NTNG1: variants seen among roughly 807,000 people sequenced by gnomAD.
NTNG1 encodes the protein netrin-G1.
In NTNG1, 16 loss-of-function variants were observed where a neutral mutation model predicts 54.0. The observed-to-expected ratio is 0.30, with a 90% CI of 0.20 to 0.45. The LOEUF (loss-of-function observed/expected upper bound fraction) is 0.45, where lower values mean the gene tolerates loss of function less well. Among genes scored for constraint, NTNG1 ranks in the 20% least tolerant of loss-of-function variants. The probability of loss-of-function intolerance (pLI) is 1.00; values close to 1 mark genes in which losing one functional copy is unlikely to be tolerated. For missense variants in NTNG1, 530 were observed against 678.7 expected, an observed-to-expected ratio of 0.78 and a Z score of 2.43; for synonymous variants, 255 against 263.1, an observed-to-expected ratio of 0.97 and a Z score of 0.30.
chr1:107,282,252 T>C (rs546009191), intron 2 of NTNG1, among the ~76,000 whole-genome samples: 2 of 152,280 alleles, frequency 1.3e-5, no homozygotes, highest in South Asian at 4.1e-4. Flanking sequence ...TATCCAAAAC[T>C]GTTTCAGACC....
intron 2 of NTNG1, among the ~76,000 whole-genome samples, chr1:107,156,678 G>A (rs1655023454): frequency 6.6e-6 from 1 of 152,182 alleles, no homozygotes; most frequent in Non-Finnish European, 1.5e-5. Context: ...TCATTGTATT[G>A]TATTTAATTG....
intron 3 of NTNG1, among the ~76,000 whole-genome samples, chr1:107,383,481 G>C (rs1292710663): frequency 1.3e-5 from 2 of 151,984 alleles, no homozygotes; most frequent in Non-Finnish European, 2.9e-5. Context: ...TCTATAAAGA[G>C]AAAAAAAGAA....
chr1:107,222,751 C>A (rs1197764000), intron 2 of NTNG1, among the ~76,000 whole-genome samples: 3 of 149,474 alleles, frequency 2.0e-5, no homozygotes, highest in Non-Finnish European at 4.4e-5. Flanking sequence ...AGGTAGTGGG[C>A]AGTCTTTAAC....
At chr1:107,214,253 C>A (rs1301727637) in intron 2 of NTNG1, among the ~76,000 whole-genome samples, 3 of 152,212 alleles carry the variant, frequency 2.0e-5, no homozygotes, top group African/African-American at 7.2e-5. Context: ...AATGTGTAAT[C>A]TTTTATCCCT....
At chr1:107,293,654 T>G (rs1343439897) in intron 2 of NTNG1, among the ~76,000 whole-genome samples, 1 of 152,198 alleles carries the variant, frequency 6.6e-6, no homozygotes, top group Non-Finnish European at 1.5e-5. Context: ...TTTCTTAATA[T>G]ATAAAGTGGG....
chr1:107,480,851 C>T lies in NTNG1; in HGVS notation c.*11C>T. 2 of 1,546,780 alleles carry T rather than the reference C, an allele frequency of 1.3e-6. No homozygotes were observed. The highest frequency in any genetic ancestry group is 1.7e-6 in the Non-Finnish European group (2 of 1,143,196). On this transcript the variant is annotated 3_prime_UTR_variant, in exon 8 of 8. Transcript: ENST00000370068. ...CCCCTGGTGTTCTAGGTGTCACCTC[C>T]AGCCACACCGGACGGGCCTGTGCCG...
intron 2 of NTNG1, among the ~76,000 whole-genome samples, chr1:107,243,455 T>C (rs760414986): frequency 6.6e-6 from 1 of 152,356 alleles, no homozygotes; most frequent in East Asian, 1.9e-4. Flanking sequence ...CCACCACTGT[T>C]AAATGCCTTG....
rs148523506 is a variant in NTNG1, at chr1:107,461,563, G to C, written c.1391-19048G>C. On this transcript the variant is annotated intron_variant, in intron 7 of 7. Transcript: ENST00000370068. ...TTTTCTTTTTTTTTTCTTTTGAGAC[G>C]GAGTCTTGCTCTGTCTCCAGGCTGG... Among the ~76,000 whole-genome samples the C allele has an allele frequency of 2.7e-5, 4 of 149,432 alleles. No homozygotes were observed. The East Asian group carries it at 7.8e-4, about 29-fold the overall frequency.
At chr1:107,214,034 ATT>A (rs1256948870) in intron 2 of NTNG1, among the ~76,000 whole-genome samples, 1 of 152,080 alleles carries the variant, frequency 6.6e-6, no homozygotes, top group African/African-American at 2.4e-5. Flanking sequence ...TCACTCTCCC[ATT>A]GATAGTTTTA....
At position 107,376,301 on chromosome 1, in the gene NTNG1, G is replaced by A. The variant is rs564488510; in HGVS notation, c.888-18853G>A. Among the ~76,000 whole-genome samples the A allele has an allele frequency of 4.6e-5, 7 of 152,156 alleles. No homozygotes were observed. In the South Asian group the frequency reaches 1.5e-3, roughly 32 times the overall value. The stretch of plus-strand genomic sequence containing the variant: ...CGGGCGCCTGTAGTCCCAGCTACTC[G>A]GGAGGCTGAGGCATGGGAATGGCGT... On this transcript the variant is annotated intron_variant, in intron 3 of 7. Coordinates refer to ENST00000370068, the MANE Select transcript of NTNG1 (RefSeq NM_001113226.3).
At chr1:107,142,531 A>G (rs529342477) in intron 1 of NTNG1, among the ~76,000 whole-genome samples, 8 of 152,098 alleles carry the variant, frequency 5.3e-5, no homozygotes, top group Non-Finnish European at 8.8e-5. Context: ...CCTCATAACA[A>G]ATTGTCAATC....
At chr1:107,315,379 G>C (rs1395714823) in intron 2 of NTNG1, among the ~76,000 whole-genome samples, 1 of 152,058 alleles carries the variant, frequency 6.6e-6, no homozygotes, top group African/African-American at 2.4e-5. Context: ...AAGGCAAAAA[G>C]AACATTGAAA....
chr1:107,458,365 A>G (rs1677078227), intron 7 of NTNG1, among the ~76,000 whole-genome samples: 1 of 152,166 alleles, frequency 6.6e-6, no homozygotes, highest in African/African-American at 2.4e-5. Context: ...TAGCCCAGTA[A>G]TCTTAAAGTT....
intron 5 of NTNG1, among the ~76,000 whole-genome samples, chr1:107,423,109 T>G (rs1316343432): frequency 6.6e-6 from 1 of 152,088 alleles, no homozygotes; most frequent in Non-Finnish European, 1.5e-5. Flanking sequence ...CTTTGAACCC[T>G]TCCCCTTGTA....
At chr1:107,349,697 G>A (rs1234083562) in intron 3 of NTNG1, among the ~76,000 whole-genome samples, 5 of 152,010 alleles carry the variant, frequency 3.3e-5, no homozygotes, top group Admixed American at 3.3e-4. Context: ...TATTGTTTAG[G>A]TTAGTTTTAA....
At chr1:107,185,493 C>T in intron 2 of NTNG1, among the ~76,000 whole-genome samples, 1 of 152,144 alleles carries the variant, frequency 6.6e-6, no homozygotes, top group Admixed American at 6.6e-5. Flanking sequence ...GGACACAAAC[C>T]ATATTGGAAT....
intron 2 of NTNG1, among the ~76,000 whole-genome samples, chr1:107,265,891 T>A (rs1021129199): frequency 2.0e-5 from 3 of 152,202 alleles, no homozygotes; most frequent in Admixed American, 2.0e-4. Flanking sequence ...TTTAATTCAA[T>A]ATCCAGTAAT....
chr1:107,147,329 A>G lies in NTNG1; in HGVS notation c.-525-740A>G, dbSNP rs17018465. 8.8e-3 allele frequency among the ~76,000 whole-genome samples: 1,334 copies of G among 152,280 alleles called. 14 individuals carry two copies. The highest frequency in any genetic ancestry group is 0.03 in the African/African-American group (1,260 of 41,568). On this transcript the variant is annotated intron_variant, in intron 1 of 7. Transcript: ENST00000370068. ...AGCTTTTAGTTTTAAAGCAGCTTAT[A>G]ATATTCGCCTTTGGGACAAATTCTC... is the stretch of plus-strand genomic sequence containing the variant.
intron 5 of NTNG1, among the ~76,000 whole-genome samples, chr1:107,424,703 A>G (rs965229743): frequency 1.3e-5 from 2 of 152,140 alleles, no homozygotes; most frequent in African/African-American, 2.4e-5. Flanking sequence ...AGGCAACCCA[A>G]GAGCTCAGTT....
Sources: allele counts gnomAD v4.1 joint callset (sites outside exome capture counted in the v4.1 genomes callset), GRCh38; gene constraint gnomAD v4.1.1; transcripts MANE v1.5; gene names NCBI Gene and HGNC (gene_info 2026-07-23, HGNC 2026-07-21).